GPR39: variants seen among roughly 807,000 people sequenced by gnomAD.
GPR39 encodes G protein-coupled receptor 39.
Under a neutral mutation model 18.4 loss-of-function variants are expected in GPR39, and 23 were observed. That is an observed-to-expected ratio of 1.25 (90% CI 0.90 to 1.77). GPR39 has a LOEUF of 1.77. Ranked by LOEUF, GPR39 falls within the 40% of genes most tolerant of loss-of-function variation. GPR39 has a pLI of 0.00. For synonymous variants in GPR39, 280 were observed against 257.9 expected, an observed-to-expected ratio of 1.09 and a Z score of -0.82; for missense variants, 647 against 602.4, an observed-to-expected ratio of 1.07 and a Z score of -0.78.
At chr2:132,598,840 G>A (rs1226598649) in intron 1 of GPR39, among the ~76,000 whole-genome samples, 1 of 152,136 alleles carries the variant, frequency 6.6e-6, no homozygotes, top group African/African-American at 2.4e-5. Flanking sequence ...GCAGCACCAT[G>A]ACATGTAACA....
intron 1 of GPR39, among the ~76,000 whole-genome samples, chr2:132,497,871 C>T (rs1681677162): frequency 6.6e-6 from 1 of 152,082 alleles, no homozygotes; most frequent in African/African-American, 2.4e-5. Flanking sequence ...GCTCAGCAGT[C>T]TCCAGAGAAT....
At chr2:132,422,506 G>T (rs990918611) in intron 1 of GPR39, among the ~76,000 whole-genome samples, 1 of 152,096 alleles carries the variant, frequency 6.6e-6, no homozygotes, top group African/African-American at 2.4e-5. Flanking sequence ...TAGGTTAAAT[G>T]CTTATCTTAC....
At chr2:132,542,481 G>T (rs113889049) in intron 1 of GPR39, among the ~76,000 whole-genome samples, 1 of 152,162 alleles carries the variant, frequency 6.6e-6, no homozygotes, top group African/African-American at 2.4e-5. Context: ...GGCCCCTTCT[G>T]CTAGAAAATA....
intron 1 of GPR39, among the ~76,000 whole-genome samples, chr2:132,601,260 C>T (rs150273848): frequency 5.3e-4 from 81 of 152,270 alleles, no homozygotes; most frequent in African/African-American, 1.9e-3. Flanking sequence ...AAAGATAATA[C>T]ACCCTGATCA....
rs192992574 is a variant in GPR39, at chr2:132,516,600, G to A, written c.856+98702G>A. Among the ~76,000 whole-genome samples, 250 of 152,304 alleles carry A rather than the reference G, an allele frequency of 1.6e-3. 1 individual carries two copies. Among genetic ancestry groups the A allele is most frequent in the Admixed American group, 2.7e-3 (42 of 15,302 alleles). ...GTTCAGAAGTTCTCTGCATTTTTCA[G>A]CCGGCCACACTCTGATAACCTTCAG... On this transcript the variant is annotated intron_variant, in intron 1 of 1. Coordinates refer to ENST00000329321, the MANE Select transcript of GPR39 (RefSeq NM_001508.3).
chr2:132,631,420 A>T (rs1477168446), intron 1 of GPR39, among the ~76,000 whole-genome samples: 1 of 152,230 alleles, frequency 6.6e-6, no homozygotes, highest in African/African-American at 2.4e-5. Flanking sequence ...TTTTCAAATC[A>T]TTAACAGGAA....
intron 1 of GPR39, among the ~76,000 whole-genome samples, chr2:132,633,604 C>A (rs1458485546): frequency 1.3e-5 from 2 of 152,226 alleles, no homozygotes; most frequent in South Asian, 4.2e-4. Flanking sequence ...TCAGCCTTCT[C>A]CTAGATCTCT....
At chr2:132,554,252 A>G (rs1006720355) in intron 1 of GPR39, among the ~76,000 whole-genome samples, 2 of 152,218 alleles carry the variant, frequency 1.3e-5, no homozygotes, top group African/African-American at 4.8e-5. Flanking sequence ...ATTTTGTACA[A>G]TGAACCTGCA....
At chr2:132,591,614 G>T (rs1680845739) in intron 1 of GPR39, among the ~76,000 whole-genome samples, 1 of 152,098 alleles carries the variant, frequency 6.6e-6, no homozygotes, top group Non-Finnish European at 1.5e-5. Context: ...TATTAGCTTT[G>T]TCCCTCTAGA....
intron 1 of GPR39, among the ~76,000 whole-genome samples, chr2:132,520,659 A>C (rs769644828): frequency 3.6e-4 from 55 of 152,244 alleles, no homozygotes; most frequent in Non-Finnish European, 6.6e-4. Context: ...TGGTTCAGTT[A>C]GATGAGGTCT....
In GPR39 at chr2:132,417,330, G is replaced by A; in HGVS notation, c.288G>A (p.Trp96Ter). 1 of 1,614,066 alleles carries A rather than the reference G, an allele frequency of 6.2e-7. No homozygotes were observed. ...GMPMEFYSIIWNPLTTSSYTL... is the reference protein window; with the variant it reads ...GMPMEFYSII ...CCATGGAGTTCTACAGCATCATCTG[G>A]AATCCCCTGACCACGTCCAGCTACA... is the stretch of plus-strand genomic sequence containing the variant. The change falls in exon 1 of 2, where the codon TGG (tryptophan) becomes TGA (stop). Residue 96 changes from tryptophan to a stop codon, truncating the protein, a stop_gained. Transcript: ENST00000329321. LOFTEE classifies it high-confidence loss of function.
At position 132,551,288 on chromosome 2, in the gene GPR39, A is replaced by G. The variant is rs375865652; in HGVS notation, c.857-93813A>G. ...CATCTTCCGTGTTATTGGGGGAAAA[A>G]AAAACTTTCCCAGATATGTCCAAGA... On this transcript the variant is annotated intron_variant, in intron 1 of 1. Transcript: ENST00000329321. Among the ~76,000 whole-genome samples the G allele has an allele frequency of 7.9e-5, 12 of 152,302 alleles. No homozygotes were observed. In the East Asian group the frequency reaches 2.3e-3, roughly 29 times the overall value.
At chr2:132,484,220 T>A (rs1681289842) in intron 1 of GPR39, among the ~76,000 whole-genome samples, 1 of 152,232 alleles carries the variant, frequency 6.6e-6, no homozygotes, top group Admixed American at 6.5e-5. Context: ...AGCATGCCTA[T>A]GGCCATTGCA....
In GPR39 at chr2:132,492,788, TATACCATATATACCATATATATAC is replaced by T. The variant is rs1681515599; in HGVS notation, c.856+74903_856+74926del. ...ATACATTCCATATATATACCATATA[TATACCATATATACCATATATATAC>T]ATACCATATATATACCATATACACA... On this transcript the variant is annotated intron_variant, in intron 1 of 1. Coordinates refer to ENST00000329321, the MANE Select transcript of GPR39 (RefSeq NM_001508.3). Among the ~76,000 whole-genome samples, 16 of 2,322 alleles carry T rather than the reference TATACCATATATACCATATATATAC, an allele frequency of 6.9e-3. No homozygotes were observed. In the South Asian group the frequency reaches 0.44, roughly 64 times the overall value. The allele number at this position is 2,322 out of a possible 152,430, so 1.5% of individuals were successfully genotyped here. A position where few individuals can be genotyped will look rare whatever the true frequency, so the allele number is the denominator to read the frequency against.
chr2:132,606,426 A>G (rs1444618568), intron 1 of GPR39, among the ~76,000 whole-genome samples: 4 of 152,244 alleles, frequency 2.6e-5, no homozygotes, highest in African/African-American at 7.2e-5. Context: ...AGGGTGTGCA[A>G]CAGGGGTGTG....
intron 1 of GPR39, among the ~76,000 whole-genome samples, chr2:132,520,432 A>G (rs2872962): frequency 0.47 from 71,541 of 152,110 alleles, 17,705 homozygotes; most frequent in Non-Finnish European, 0.56. Flanking sequence ...GACTGGCCAG[A>G]CCCATGATGC....
intron 1 of GPR39, among the ~76,000 whole-genome samples, chr2:132,478,408 TAGA>T (rs1446912301): frequency 6.6e-6 from 1 of 151,912 alleles, no homozygotes; most frequent in African/African-American, 2.4e-5. Flanking sequence ...AGATCATTGT[TAGA>T]CCCAAGCTAA....
At chr2:132,436,169 A>G (rs1680315867) in intron 1 of GPR39, among the ~76,000 whole-genome samples, 1 of 152,048 alleles carries the variant, frequency 6.6e-6, no homozygotes, top group Non-Finnish European at 1.5e-5. Context: ...CAGCAGCTCC[A>G]GGCCCTGGCA....
intron 1 of GPR39, among the ~76,000 whole-genome samples, chr2:132,486,504 C>A (rs1200483565): frequency 6.6e-6 from 1 of 152,244 alleles, no homozygotes; most frequent in African/African-American, 2.4e-5. Flanking sequence ...CCACCTTCAT[C>A]TACTGTCTTA....
Sources: allele counts gnomAD v4.1 joint callset (sites outside exome capture counted in the v4.1 genomes callset), GRCh38; gene constraint gnomAD v4.1.1; transcripts MANE v1.5; gene names NCBI Gene and HGNC (gene_info 2026-07-23, HGNC 2026-07-21).